The following SLC16A6 variants were observed in gnomAD, a reference collection of about 807,000 sequenced individuals.
The protein encoded by SLC16A6 is monocarboxylate transporter 7.
Under a neutral mutation model 33.8 loss-of-function variants are expected in SLC16A6, and 15 were observed. The observed-to-expected ratio is 0.44, with a 90% CI of 0.30 to 0.68. SLC16A6 has a LOEUF of 0.68. Among genes scored for constraint, SLC16A6 ranks in the 30% least tolerant of loss-of-function variants. The probability of loss-of-function intolerance (pLI) is 0.10; values close to 1 mark genes in which losing one functional copy is unlikely to be tolerated. For synonymous variants in SLC16A6, 219 were observed against 248.4 expected (o/e 0.88, Z 1.11); for missense variants, 451 against 661.5 (o/e 0.68, Z 3.49).
In SLC16A6 at chr17:68,278,276, A is replaced by G. The variant is rs781851265; in HGVS notation, c.45T>C (p.Tyr15=). 1.1e-5 allele frequency: 18 copies of G among 1,614,220 alleles called. No individual in the cohort carries two copies. The highest frequency in any genetic ancestry group is 1.5e-5 in the Non-Finnish European group (18 of 1,180,030). ...CCCATCCTCCATCAGGCACTTCAGT[A>G]TACACATTGGCTTTGGAACAAAGCT... ...KLKLCSKANV[Y]TEVPDGGWGW... is the part of the protein sequence containing the mutation. The change falls in exon 2 of 6, where the codon TAT becomes TAC. Residue 15 remains tyrosine (Y), a synonymous_variant. Transcript: ENST00000580666.
At chr17:68,273,532 T>C (rs189909243) in intron 3 of SLC16A6, among the ~76,000 whole-genome samples, 10 of 152,294 alleles carry the variant, frequency 6.6e-5, no homozygotes, top group Non-Finnish European at 1.3e-4. Context: ...TCCTTTTGAA[T>C]GGAAAAAGGT....
chr17:68,273,280 C>T (rs1287409640), intron 3 of SLC16A6, among the ~76,000 whole-genome samples: 1 of 151,880 alleles, frequency 6.6e-6, no homozygotes, highest in East Asian at 1.9e-4. Context: ...GTGATCACAG[C>T]TCACTGGAGC....
chr17:68,290,672 G>A (rs1555755478), intron 1 of SLC16A6, among the ~76,000 whole-genome samples: 2 of 152,242 alleles, frequency 1.3e-5, no homozygotes, highest in African/African-American at 4.8e-5. Flanking sequence ...GGGTAGGAAG[G>A]TACCTCTGAC....
intron 3 of SLC16A6, 145 bp from the exon 4 acceptor site, chr17:68,272,912 G>T: frequency 1.1e-6 from 1 of 944,874 alleles, no homozygotes; most frequent in African/African-American, 1.7e-5. Flanking sequence ...CAAAGGTGAT[G>T]TTGCAAAGAA....
chr17:68,283,955 G>A (rs551028819), intron 1 of SLC16A6, among the ~76,000 whole-genome samples: 3 of 150,638 alleles, frequency 2.0e-5, no homozygotes, highest in Non-Finnish European at 4.4e-5. Flanking sequence ...AAAATTAGTA[G>A]TAGCACGAGC....
At chr17:68,275,933 A>G (rs1555750749) in intron 2 of SLC16A6, among the ~76,000 whole-genome samples, 1 of 150,826 alleles carries the variant, frequency 6.6e-6, no homozygotes, top group Admixed American at 6.6e-5. Flanking sequence ...CAGTGAGCTG[A>G]GACCGCACCA....
chr17:68,278,478 C>G (rs1023933758), intron 1 of SLC16A6, 151 bp from the exon 2 acceptor site: 61 of 601,968 alleles, frequency 1.0e-4, no homozygotes, highest in Non-Finnish European at 1.7e-4. Flanking sequence ...GAGATGGAGT[C>G]TTGCTCTGTC....
Position 68,278,100 on chromosome 17 carries a change from A to G in SLC16A6, c.221T>C (p.Leu74Ser). ...AAAGATGTACTAACCTGAAAATGTT[A>G]AGACAAACACACAGATTGAGATTAT... ...SWIISICVFV[L>S]TFSAPLATVL... The change falls in exon 2 of 6, where the codon TTA (leucine) becomes TCA (serine). Residue 74 changes from leucine (L) to serine (S), a missense_variant. This residue lies in a region of SLC16A6 where 405 missense variants were observed against 510.7 expected (regional missense o/e 0.79). Coordinates refer to ENST00000580666, the MANE Select transcript of SLC16A6 (RefSeq NM_004694.5). 13 of 1,612,624 alleles carry G rather than the reference A, an allele frequency of 8.1e-6. No homozygotes were observed. The highest frequency in any genetic ancestry group is 1.1e-5 in the Non-Finnish European group (13 of 1,178,730).
intron 2 of SLC16A6, among the ~76,000 whole-genome samples, chr17:68,276,513 A>G (rs2075526385): frequency 6.6e-6 from 1 of 152,000 alleles, no homozygotes; most frequent in African/African-American, 2.4e-5. Context: ...CAATGGCATG[A>G]TCATGGCTCA....
rs1555748829 is a variant in SLC16A6 at position 68,271,591 on chromosome 17, T to G, written c.569A>C (p.Gln190Pro). The part of the protein sequence containing the change: ...RYSLLFVGLL[Q>P]LNIVIFGALL... ...TGCTCCGAAGATGACAATGTTTAACTGTAGTAGGCCCACGAAGAGGAGGCT... is the reference window on the plus strand; with the variant it reads ...TGCTCCGAAGATGACAATGTTTAACGGTAGTAGGCCCACGAAGAGGAGGCT... The change falls in exon 5 of 6, where the codon CAG becomes CCG. Residue 190 changes from glutamine to proline, a missense_variant. Around this residue, in one of 2 missense-constraint regions of SLC16A6, gnomAD observed 405 missense variants for 510.7 expected, o/e 0.79. Transcript: ENST00000580666. This position sits in a 1 kb window ranked among gnomAD's most constrained non-coding sequence, Gnocchi z 5.3. The G allele has an allele frequency of 6.2e-7, 1 of 1,614,178 alleles. No homozygotes were observed. The highest frequency in any genetic ancestry group is 1.7e-5 in the Admixed American group (1 of 60,026).
rs782475430 is a variant in SLC16A6, at chr17:68,273,984, C to T, written c.319G>A (p.Ala107Thr). The part of the protein sequence containing the change: ...GGLLVSTGMV[A>T]ASFSQEVSHM... The stretch of plus-strand genomic sequence containing the variant: ...GAAACCTCTTGTGAGAAGGAGGCGG[C>T]CACCATCCCGGTGCTGACAAGTAGC... The change falls in exon 3 of 6, where the codon GCC becomes ACC. Residue 107 changes from alanine (A) to threonine (T), a missense_variant. Ala to Thr is a moderately conservative substitution (Grantham distance 58). Around this residue, in one of 2 missense-constraint regions of SLC16A6, gnomAD observed 405 missense variants for 510.7 expected, o/e 0.79. Coordinates refer to ENST00000580666, the MANE Select transcript of SLC16A6 (RefSeq NM_004694.5). The T allele has an allele frequency of 4.3e-6, 7 of 1,614,158 alleles. No individual in the cohort carries two copies. The highest frequency in any genetic ancestry group is 4.2e-6 in the Non-Finnish European group (5 of 1,180,030).
At chr17:68,285,174 G>T (rs1555754000) in intron 1 of SLC16A6, among the ~76,000 whole-genome samples, 2 of 152,196 alleles carry the variant, frequency 1.3e-5, no homozygotes, top group African/African-American at 4.8e-5. Context: ...TTTCTGACAA[G>T]CAGTCAGGAC....
At chr17:68,273,191 T>G (rs1555749676) in intron 3 of SLC16A6, among the ~76,000 whole-genome samples, 1 of 151,846 alleles carries the variant, frequency 6.6e-6, no homozygotes, top group East Asian at 1.9e-4. Flanking sequence ...ATATATGGCC[T>G]CCTTTTATTG....
chr17:68,287,719 A>G (rs950535464), intron 1 of SLC16A6, among the ~76,000 whole-genome samples: 2 of 152,096 alleles, frequency 1.3e-5, no homozygotes, highest in African/African-American at 4.8e-5. Context: ...AAAGCATCCT[A>G]TGTCCTATTA....
intron 2 of SLC16A6, 55 bp downstream of exon 2, chr17:68,278,033 GC>G: frequency 8.3e-7 from 1 of 1,208,162 alleles, no homozygotes; most frequent in Non-Finnish European, 1.2e-6. Context: ...TACCAAGGTA[GC>G]CAAATTAAAA....
At chr17:68,287,990 C>CTTTTTTT (rs542264053) in intron 1 of SLC16A6, among the ~76,000 whole-genome samples, 1 of 126,096 alleles carries the variant, frequency 7.9e-6, no homozygotes. Flanking sequence ...TCCCTCCTTT[C>CTTTTTTT]TTTTTTTTTT....
At position 68,278,074 on chromosome 17, in the gene SLC16A6, G is replaced by A. The variant is rs782735066; in HGVS notation, c.232+15C>T. Reference sequence around the variant, plus strand: ...CCTATACTTACGTCATGGTTAGGCCGAAAGATGTACTAACCTGAAAATGTT... The same window carrying A: ...CCTATACTTACGTCATGGTTAGGCCAAAAGATGTACTAACCTGAAAATGTT... On this transcript the variant is annotated intron_variant, in intron 2 of 5. Transcript: ENST00000580666. 43 of 1,584,594 alleles carry A rather than the reference G, an allele frequency of 2.7e-5. No individual in the cohort carries two copies. Among genetic ancestry groups the A allele is most frequent in the Middle Eastern group, 1.7e-4 (1 of 6,020 alleles).
chr17:68,272,730 G>A lies in SLC16A6; in HGVS notation c.414C>T (p.Thr138=). 1.2e-6 allele frequency: 2 copies of A among 1,614,110 alleles called. No homozygotes were observed. Among genetic ancestry groups the A allele is most frequent in the Non-Finnish European group, 1.7e-6 (2 of 1,179,978 alleles). The change falls in exon 4 of 6, where the codon ACC becomes ACT. Residue 138 remains threonine (T), a synonymous_variant. Transcript: ENST00000580666. ...GYCFSFLPTV[T]ILSQYFGKRR... is the part of the protein sequence containing the mutation. ...TTTTGCCAAAATATTGTGATAGGAT[G>A]GTTACAGTTGGGAGAAAACTAAAGC...
In SLC16A6 at chr17:68,267,050, AT is replaced by A. The variant is rs1186981250; in HGVS notation, c.*2045del. 1 of 152,206 alleles carries A rather than the reference AT, an allele frequency of 6.6e-6. No individual in the cohort carries two copies. Among genetic ancestry groups the A allele is most frequent in the African/African-American group, 2.4e-5 (1 of 41,462 alleles). The allele number at this position is 152,206 out of a possible 1,614,324, so 9.4% of individuals were successfully genotyped here. A position where few individuals can be genotyped will look rare whatever the true frequency, so the allele number is the denominator to read the frequency against. Reference sequence around the variant, plus strand: ...GTCTCTTTAAATAAAAAATCCATAAATTTATTGCAAATCTAGAAGTACCAGA... The same window carrying A: ...GTCTCTTTAAATAAAAAATCCATAAATTATTGCAAATCTAGAAGTACCAGA... On this transcript the variant is annotated 3_prime_UTR_variant, in exon 6 of 6. Transcript: ENST00000580666.
Sources: allele counts gnomAD v4.1 joint callset (sites outside exome capture counted in the v4.1 genomes callset), GRCh38; gene constraint gnomAD v4.1.1; regional missense constraint gnomAD v4.1.1; non-coding constraint Gnocchi (gnomAD v3.1); transcripts MANE v1.5; gene names NCBI Gene and HGNC (gene_info 2026-07-23, HGNC 2026-07-21).